The following GNL1 variants were observed in gnomAD, a reference collection of about 807,000 sequenced individuals.
The protein encoded by GNL1 is guanine nucleotide-binding protein-like 1.
GNL1 carries 21 observed loss-of-function variants against 75.2 expected under a neutral mutation model. That is an observed-to-expected ratio of 0.28 (90% CI 0.20 to 0.40). The LOEUF (loss-of-function observed/expected upper bound fraction) is 0.40. GNL1 is among the 10% of genes least tolerant of loss of function. The probability of loss-of-function intolerance (pLI) is 1.00; values close to 1 mark genes in which losing one functional copy is unlikely to be tolerated. For synonymous variants in GNL1, 287 were observed against 303.4 expected (o/e 0.95, Z 0.56); for missense variants, 579 against 775.0 (o/e 0.75, Z 3.00).
rs1800184897 is a variant in GNL1 at position 30,556,279 on chromosome 6, C to G, written c.-76G>C. 1 of 1,561,546 alleles carries G rather than the reference C, an allele frequency of 6.4e-7. No individual in the cohort carries two copies. Among genetic ancestry groups the G allele is most frequent in the Non-Finnish European group, 8.7e-7 (1 of 1,150,412 alleles). ...ACTGACTGCCCCCCGGGGCAGCCCC[C>G]GCCGCAGGGGCCCGGGACCCTAGAG... On this transcript the variant is annotated 5_prime_UTR_variant, in exon 1 of 12. Coordinates refer to ENST00000376621, the MANE Select transcript of GNL1 (RefSeq NM_005275.5). The surrounding 1 kb of genome is among the most constrained non-coding windows in gnomAD (Gnocchi z 5.7).
chr6:30,553,049 T>C (rs1237693396), intron 7 of GNL1, 35 bp downstream of exon 7: 1 of 1,389,258 alleles, frequency 7.2e-7, no homozygotes, highest in Non-Finnish European at 1.0e-6. Context: ...GTCTCCCCCA[T>C]GTCCTCCTAC....
At chr6:30,553,961 T>C (rs1799969925) in intron 5 of GNL1, among the ~76,000 whole-genome samples, 1 of 152,210 alleles carries the variant, frequency 6.6e-6, no homozygotes, top group Non-Finnish European at 1.5e-5. Context: ...GTGTGCATGT[T>C]TGTGTGTTAA....
chr6:30,545,895 G>A lies in GNL1; in HGVS notation c.*177C>T. On this transcript the variant is annotated 3_prime_UTR_variant, in exon 12 of 12. Transcript: ENST00000376621. ...ATGCATGAAAAAAGAAGGGAGAAGA[G>A]GAGAGAAGCCTCCCACAGCTGTTAG... 3 of 588,610 alleles carry A rather than the reference G, an allele frequency of 5.1e-6. No homozygotes were observed. Among genetic ancestry groups the A allele is most frequent in the Non-Finnish European group, 8.9e-6 (3 of 335,866 alleles). The allele number at this position is 588,610 out of a possible 1,614,324, so 36.5% of individuals were successfully genotyped here. A position where few individuals can be genotyped will look rare whatever the true frequency, so the allele number is the denominator to read the frequency against.
rs1800085445 is a variant in GNL1 at position 30,555,406 on chromosome 6, CTG to C, written c.239+147_239+148del. 1.0e-6 allele frequency: 1 copy of C among 966,670 alleles called. No homozygotes were observed. Among genetic ancestry groups the C allele is most frequent in the East Asian group, 2.4e-5 (1 of 41,724 alleles). The allele number at this position is 966,670 out of a possible 1,614,324, so 59.9% of individuals were successfully genotyped here. A position where few individuals can be genotyped will look rare whatever the true frequency, so the allele number is the denominator to read the frequency against. ...TCTCCAGCCCCTCTGGAAAGGAAGA[CTG>C]TGGCCCGCTGTGGGGAGCCGAGTGG... On this transcript the variant is annotated intron_variant, in intron 2 of 11. Coordinates refer to ENST00000376621, the MANE Select transcript of GNL1 (RefSeq NM_005275.5). The surrounding 1 kb of genome is among the most constrained non-coding windows in gnomAD (Gnocchi z 4.3).
chr6:30,551,836 C>T (rs1256526302), intron 8 of GNL1, among the ~76,000 whole-genome samples: 2 of 152,118 alleles, frequency 1.3e-5, no homozygotes, highest in African/African-American at 4.8e-5. Flanking sequence ...CATTCTTACA[C>T]TCTCTTAACA....
Position 30,555,442 on chromosome 6 carries a change from G to C in GNL1, c.239+113C>G. 9.0e-7 allele frequency: 1 copy of C among 1,113,068 alleles called. No individual in the cohort carries two copies. Among genetic ancestry groups the C allele is most frequent in the Non-Finnish European group, 1.3e-6 (1 of 766,414 alleles). The allele number at this position is 1,113,068 out of a possible 1,614,324, so 68.9% of individuals were successfully genotyped here. A position where few individuals can be genotyped will look rare whatever the true frequency, so the allele number is the denominator to read the frequency against. On this transcript the variant is annotated intron_variant, in intron 2 of 11. Coordinates refer to ENST00000376621, the MANE Select transcript of GNL1 (RefSeq NM_005275.5). This position sits in a 1 kb window ranked among gnomAD's most constrained non-coding sequence, Gnocchi z 4.3. ...TGTGGGGAGCCGAGTGGCTAGCGGA[G>C]AACTGTGGCATCCCAGGCCCACCGT...
chr6:30,552,672 A>G lies in GNL1; in HGVS notation c.905-11T>C. The G allele has an allele frequency of 1.9e-6, 3 of 1,610,302 alleles. No individual in the cohort carries two copies. The highest frequency in any genetic ancestry group is 2.2e-5 in the East Asian group (1 of 44,846). ...AGCTGCTCAAGTCCACTGCTCAAAG[A>G]AGGAGAAGATTAAAGAGGTTCTCCC... On this transcript the variant is annotated splice_polypyrimidine_tract_variant and intron_variant, in intron 7 of 11. Transcript: ENST00000376621. This position sits in a 1 kb window ranked among gnomAD's most constrained non-coding sequence, Gnocchi z 4.5.
chr6:30,555,914 C>A lies in GNL1; in HGVS notation c.74-194G>T. 3 of 789,686 alleles carry A rather than the reference C, an allele frequency of 3.8e-6. No homozygotes were observed. The highest frequency in any genetic ancestry group is 6.0e-6 in the Non-Finnish European group (3 of 496,300). The allele number at this position is 789,686 out of a possible 1,614,324, so 48.9% of individuals were successfully genotyped here. On this transcript the variant is annotated intron_variant, in intron 1 of 11. Transcript: ENST00000376621. This position sits in a 1 kb window ranked among gnomAD's most constrained non-coding sequence, Gnocchi z 4.3. ...TTCAGGGAGCAGTGGGGACGGCGCCCCGTGCTAGCTGGAGGGATTCCCCTC... is the reference window on the plus strand; with the variant it reads ...TTCAGGGAGCAGTGGGGACGGCGCCACGTGCTAGCTGGAGGGATTCCCCTC...
chr6:30,555,928 G>A lies in GNL1; in HGVS notation c.73+203C>T. 2 of 800,650 alleles carry A rather than the reference G, an allele frequency of 2.5e-6. No homozygotes were observed. The highest frequency in any genetic ancestry group is 1.7e-5 in the African/African-American group (1 of 58,536). The allele number at this position is 800,650 out of a possible 1,614,324, so 49.6% of individuals were successfully genotyped here. On this transcript the variant is annotated intron_variant, in intron 1 of 11. Coordinates refer to ENST00000376621, the MANE Select transcript of GNL1 (RefSeq NM_005275.5). This position sits in a 1 kb window ranked among gnomAD's most constrained non-coding sequence, Gnocchi z 4.3. ...GGGACGGCGCCCCGTGCTAGCTGGA[G>A]GGATTCCCCTCCCCCAACTCTCCAT...
In GNL1 at chr6:30,551,356, G is replaced by A. The variant is rs185241791; in HGVS notation, c.1099+1111C>T. On this transcript the variant is annotated intron_variant, in intron 8 of 11. Coordinates refer to ENST00000376621, the MANE Select transcript of GNL1 (RefSeq NM_005275.5). ...AGAGGAGCAATCACTCAGCAGTAAG[G>A]CAGGTTCTTCCAAAGACAAAAAGGA... Among the ~76,000 whole-genome samples, 39 of 152,264 alleles carry A rather than the reference G, an allele frequency of 2.6e-4. No homozygotes were observed. The East Asian group carries it at 6.7e-3, about 26-fold the overall frequency.
intron 3 of GNL1, 54 bp from the exon 4 acceptor site, chr6:30,554,969 A>G (rs1800043294): frequency 6.2e-7 from 1 of 1,609,124 alleles, no homozygotes; most frequent in East Asian, 2.2e-5. Context: ...ATTCAAGAGT[A>G]CATCCCAGAC....
chr6:30,547,135 C>T lies in GNL1; in HGVS notation c.1418G>A (p.Trp473Ter), dbSNP rs1799499646. 6.2e-7 allele frequency: 1 copy of T among 1,612,364 alleles called. No homozygotes were observed. Reference sequence around the variant, plus strand: ...ACCTTCACAGATGTCCCAGGCACACCAGGGGTGTTCCGCTGAGGGGTCCTC... The same window carrying T: ...ACCTTCACAGATGTCCCAGGCACACTAGGGGTGTTCCGCTGAGGGGTCCTC... ...EAEDPSAEHP[W>*]CAWDICEAWA... is the part of the protein sequence containing the mutation. The change falls in exon 10 of 12, where the codon TGG becomes TAG. Residue 473 changes from tryptophan (W) to a stop codon, truncating the protein, a stop_gained. Coordinates refer to ENST00000376621, the MANE Select transcript of GNL1 (RefSeq NM_005275.5). LOFTEE classifies it high-confidence loss of function. This position sits in a 1 kb window ranked among gnomAD's most constrained non-coding sequence, Gnocchi z 5.5.
Position 30,555,647 on chromosome 6 carries a change from G to A in GNL1, c.147C>T (p.Asp49=), listed in dbSNP as rs1287155846. 2 of 1,614,056 alleles carry A rather than the reference G, an allele frequency of 1.2e-6. No individual in the cohort carries two copies. Among genetic ancestry groups the A allele is most frequent in the East Asian group, 2.2e-5 (1 of 44,876 alleles). The change falls in exon 2 of 12, where the codon GAC becomes GAT. Residue 49 remains aspartate (D), a synonymous_variant. Transcript: ENST00000376621. This position sits in a 1 kb window ranked among gnomAD's most constrained non-coding sequence, Gnocchi z 4.3. ...GSRERREEQT[D]TSDGESVTHH... is the part of the protein sequence containing the mutation. ...GGGTCACAGACTCCCCGTCCGAGGT[G>A]TCGGTCTGTTCCTCTCGCCGCTCCC...
Position 30,553,384 on chromosome 6 carries a change from A to G in GNL1, c.774T>C (p.Pro258=). The G allele has an allele frequency of 6.2e-7, 1 of 1,612,402 alleles. No homozygotes were observed. Among genetic ancestry groups the G allele is most frequent in the Non-Finnish European group, 8.5e-7 (1 of 1,179,988 alleles). Residue 258 remains proline (P), a synonymous_variant, in exon 6 of 12, where the codon CCT becomes CCC. Transcript: ENST00000376621. ...GGTCCTGTGGGGTGCGGGGGTCCCGAGGAAAAGAGGTGAAAAGGACGACGT... is the reference window on the plus strand; with the variant it reads ...GGTCCTGTGGGGTGCGGGGGTCCCGGGGAAAAGAGGTGAAAAGGACGACGT... ...QLHVVLFTSF[P]RDPRTPQDPS... is the part of the protein sequence containing the mutation.
chr6:30,552,678 A>G lies in GNL1; in HGVS notation c.905-17T>C. The G allele has an allele frequency of 6.2e-7, 1 of 1,607,206 alleles. No homozygotes were observed. Among genetic ancestry groups the G allele is most frequent in the South Asian group, 1.1e-5 (1 of 90,214 alleles). On this transcript the variant is annotated splice_polypyrimidine_tract_variant and intron_variant, in intron 7 of 11. Coordinates refer to ENST00000376621, the MANE Select transcript of GNL1 (RefSeq NM_005275.5). This position sits in a 1 kb window ranked among gnomAD's most constrained non-coding sequence, Gnocchi z 4.5. Reference sequence around the variant, plus strand: ...TCAAGTCCACTGCTCAAAGAAGGAGAAGATTAAAGAGGTTCTCCCCAGGGC... The same window carrying G: ...TCAAGTCCACTGCTCAAAGAAGGAGGAGATTAAAGAGGTTCTCCCCAGGGC...
In GNL1 at chr6:30,547,198, G is replaced by A; in HGVS notation, c.1355C>T (p.Pro452Leu). 6.2e-7 allele frequency: 1 copy of A among 1,613,116 alleles called. No individual in the cohort carries two copies. The highest frequency in any genetic ancestry group is 8.5e-7 in the Non-Finnish European group (1 of 1,179,498). Residue 452 changes from proline (P) to leucine (L), a missense_variant, in exon 10 of 12, where the codon CCC becomes CTC. By Grantham distance (98) the Pro-to-Leu change is moderately conservative. Transcript: ENST00000376621. The surrounding 1 kb of genome is among the most constrained non-coding windows in gnomAD (Gnocchi z 5.5). ...GCGCAGGTGGAGCAGGGCCTGCACG[G>A]GAATTCGGGAGGCCAGGTAGCCCAC... is the stretch of plus-strand genomic sequence containing the variant. The part of the protein sequence containing the change: ...TAVGYLASRI[P>L]VQALLHLRHP...
At position 30,552,809 on chromosome 6, in the gene GNL1, A is replaced by C; in HGVS notation, c.905-148T>G. The C allele has an allele frequency of 1.4e-6, 1 of 736,300 alleles. No individual in the cohort carries two copies. 45.6% of individuals were successfully genotyped at this position (736,300 alleles called of 1,614,324 possible). A position where few individuals can be genotyped will look rare whatever the true frequency, so the allele number is the denominator to read the frequency against. On this transcript the variant is annotated intron_variant, in intron 7 of 11. Coordinates refer to ENST00000376621, the MANE Select transcript of GNL1 (RefSeq NM_005275.5). This position sits in a 1 kb window ranked among gnomAD's most constrained non-coding sequence, Gnocchi z 4.5. The stretch of plus-strand genomic sequence containing the variant: ...ATAAGAGCAGGTCAGAGAATCTCCC[A>C]AAAGTCATTTGACCCTACCCTCCCT...
chr6:30,553,032 A>G, intron 7 of GNL1, 52 bp downstream of exon 7: 2 of 1,225,182 alleles, frequency 1.6e-6, no homozygotes, highest in Non-Finnish European at 2.4e-6. Flanking sequence ...ATGATTCTGC[A>G]TCTTTGGTCT....
rs1451636492 is a variant in GNL1 at position 30,541,931 on chromosome 6, T to C, written c.*4141A>G. On this transcript the variant is annotated 3_prime_UTR_variant, in exon 12 of 12. Transcript: ENST00000376621. ...TACCACGCCCACCTGTCCCCAAGGTTTGTTTCATCACTAAGCCCCACCTTC... is the reference window on the plus strand; with the variant it reads ...TACCACGCCCACCTGTCCCCAAGGTCTGTTTCATCACTAAGCCCCACCTTC... 2 of 152,258 alleles carry C rather than the reference T, an allele frequency of 1.3e-5. No homozygotes were observed. The highest frequency in any genetic ancestry group is 4.8e-5 in the African/African-American group (2 of 41,432). 9.4% of individuals were successfully genotyped at this position (152,258 alleles called of 1,614,324 possible).
Sources: allele counts gnomAD v4.1 joint callset (sites outside exome capture counted in the v4.1 genomes callset), GRCh38; gene constraint gnomAD v4.1.1; non-coding constraint Gnocchi (gnomAD v3.1); transcripts MANE v1.5; gene names NCBI Gene and HGNC (gene_info 2026-07-23, HGNC 2026-07-21).